Variants in ZNF85 observed in about 807,000 individuals in gnomAD.
The protein encoded by ZNF85 is zinc finger protein 85.
ZNF85 carries 50 observed loss-of-function variants against 53.9 expected under a neutral mutation model. That is an observed-to-expected ratio of 0.93 (90% CI 0.74 to 1.17). The LOEUF is 1.17. Among genes scored for constraint, ZNF85 ranks in the 50% most tolerant of loss-of-function variants. The probability of loss-of-function intolerance (pLI) is 0.00; values close to 1 mark genes in which losing one functional copy is unlikely to be tolerated. For synonymous variants in ZNF85, 225 were observed against 226.1 expected, an observed-to-expected ratio of 1.00 and a Z score of 0.04; for missense variants, 747 against 688.5, an observed-to-expected ratio of 1.08 and a Z score of -0.95.
At chr19:20,947,997 C>T (rs1275080581) in intron 3 of ZNF85, among the ~76,000 whole-genome samples, 2 of 151,900 alleles carry the variant, frequency 1.3e-5, no homozygotes. Flanking sequence ...ATGTTGTAAT[C>T]TTTCATTGAA....
intron 3 of ZNF85, among the ~76,000 whole-genome samples, chr19:20,939,833 G>C (rs917532690): frequency 6.6e-6 from 1 of 152,108 alleles, no homozygotes; most frequent in African/African-American, 2.4e-5. Flanking sequence ...AAGTTGCTGG[G>C]ATTACAGGCA....
At chr19:20,946,321 C>G (rs984667044) in intron 3 of ZNF85, 2 of 424,564 alleles carry the variant, frequency 4.7e-6, no homozygotes, top group Admixed American at 5.3e-5. Flanking sequence ...AAAAGAATGT[C>G]GTATGAGCTA....
At chr19:20,933,994 T>C (rs1228508148) in intron 1 of ZNF85, 30 bp from the exon 2 acceptor site, 7 of 1,537,690 alleles carry the variant, frequency 4.6e-6, no homozygotes, top group Non-Finnish European at 6.2e-6. Context: ...TGTGTGTGTG[T>C]GTGTATGTGT....
chr19:20,927,518 GGAA>G (rs1293881882), intron 1 of ZNF85: 1 of 152,000 alleles, frequency 6.6e-6, no homozygotes, highest in African/African-American at 2.4e-5. Context: ...AATGAGAAAA[GGAA>G]GAAAATGTGT....
chr19:20,923,501 C>G, intron 1 of ZNF85, 98 bp downstream of exon 1: 1 of 1,583,808 alleles, frequency 6.3e-7, no homozygotes, highest in Non-Finnish European at 8.6e-7. Context: ...GTAGTCAGCT[C>G]CACAATCTGC....
At chr19:20,938,484 T>C (rs1973211406) in intron 3 of ZNF85, among the ~76,000 whole-genome samples, 1 of 152,160 alleles carries the variant, frequency 6.6e-6, no homozygotes, top group African/African-American at 2.4e-5. Flanking sequence ...TTTGTCAGGA[T>C]TGGCTGAAAA....
rs543297758 is a variant in ZNF85 at position 20,928,764 on chromosome 19, C to G, written c.4-5260C>G. On this transcript the variant is annotated intron_variant, in intron 1 of 3. Coordinates refer to ENST00000328178, the MANE Select transcript of ZNF85 (RefSeq NM_003429.5). ...CTGGACCACCTGTTCATAATCTCATCTGCCTGCACAGGCACAAATAAATCA... is the reference window on the plus strand; with the variant it reads ...CTGGACCACCTGTTCATAATCTCATGTGCCTGCACAGGCACAAATAAATCA... 4 of 152,112 alleles carry G rather than the reference C, an allele frequency of 2.6e-5. No homozygotes were observed. In the East Asian group the frequency reaches 7.7e-4, roughly 29 times the overall value. The allele number at this position is 152,112 out of a possible 1,614,324, so 9.4% of individuals were successfully genotyped here.
intron 1 of ZNF85, among the ~76,000 whole-genome samples, chr19:20,929,917 G>A (rs1972968900): frequency 6.6e-6 from 1 of 152,034 alleles, no homozygotes; most frequent in Non-Finnish European, 1.5e-5. Context: ...TCAGGAGTTC[G>A]AGACCAGCCT....
At chr19:20,946,421 G>C in intron 3 of ZNF85, 1 of 342,456 alleles carries the variant, frequency 2.9e-6, no homozygotes, top group Non-Finnish European at 5.6e-6. Flanking sequence ...AAAGTTACCT[G>C]TTGCCTTCTA....
At chr19:20,924,501 C>T (rs537618561) in intron 1 of ZNF85, among the ~76,000 whole-genome samples, 2 of 152,158 alleles carry the variant, frequency 1.3e-5, no homozygotes, top group African/African-American at 4.8e-5. Flanking sequence ...CAGGGGACTT[C>T]TTTTCCCCTG....
Position 20,950,433 on chromosome 19 carries a change from T to A in ZNF85, c.*131T>A. 1 of 627,544 alleles carries A rather than the reference T, an allele frequency of 1.6e-6. No individual in the cohort carries two copies. The highest frequency in any genetic ancestry group is 2.6e-6 in the Non-Finnish European group (1 of 390,452). The allele number at this position is 627,544 out of a possible 1,614,324, so 38.9% of individuals were successfully genotyped here. On this transcript the variant is annotated 3_prime_UTR_variant, in exon 4 of 4. Transcript: ENST00000328178. ...CACCTCAGACTTATAAAAGTAATCA[T>A]ACTGGTGAGAAATTCTAAAAATGTG...
chr19:20,950,112 C>G lies in ZNF85; in HGVS notation c.1598C>G (p.Thr533Ser). 1 of 1,613,518 alleles carries G rather than the reference C, an allele frequency of 6.2e-7. No homozygotes were observed. Residue 533 changes from threonine to serine, a missense_variant, in exon 4 of 4, where the codon ACT (threonine) becomes AGT (serine). Thr to Ser is a moderately conservative substitution (Grantham distance 58). Coordinates refer to ENST00000328178, the MANE Select transcript of ZNF85 (RefSeq NM_003429.5). ...SKLTKHKKIH[T>S]GEKPYTCEEC... ...CTTACCAAACATAAGAAAATTCATA[C>G]TGGAGAGAAACCCTACACATGTGAA...
intron 3 of ZNF85, 36 bp downstream of exon 3, chr19:20,935,083 C>T (rs1973126691): frequency 1.4e-6 from 2 of 1,439,758 alleles, no homozygotes; most frequent in East Asian, 4.6e-5. Flanking sequence ...GCAGATGACA[C>T]ATGAGAGGTC....
intron 3 of ZNF85, among the ~76,000 whole-genome samples, chr19:20,935,779 A>G (rs1427030345): frequency 6.6e-6 from 1 of 151,438 alleles, no homozygotes; most frequent in African/African-American, 2.4e-5. Context: ...CAAACTCCCA[A>G]CCTCAGGTGA....
At chr19:20,938,456 C>G (rs769433068) in intron 3 of ZNF85, among the ~76,000 whole-genome samples, 38 of 151,962 alleles carry the variant, frequency 2.5e-4, no homozygotes, top group Admixed American at 9.2e-4. Context: ...TGATGCCTGG[C>G]TCTCTCATAA....
chr19:20,940,004 T>C (rs1176644387), intron 3 of ZNF85, among the ~76,000 whole-genome samples: 1 of 152,132 alleles, frequency 6.6e-6, no homozygotes, highest in East Asian at 1.9e-4. Flanking sequence ...ACCTCTTAGC[T>C]GATTTTCAGT....
intron 3 of ZNF85, among the ~76,000 whole-genome samples, chr19:20,948,539 T>A (rs1973476653): frequency 6.6e-6 from 1 of 152,160 alleles, no homozygotes; most frequent in Admixed American, 6.5e-5. Context: ...CTGCACACAC[T>A]TAACTCATTT....
chr19:20,929,197 T>C (rs1972950748), intron 1 of ZNF85, among the ~76,000 whole-genome samples: 1 of 151,864 alleles, frequency 6.6e-6, no homozygotes, highest in African/African-American at 2.4e-5. Flanking sequence ...TCTTTTTTTT[T>C]TTTTTGTTTG....
chr19:20,923,674 C>G (rs1477371159), intron 1 of ZNF85, among the ~76,000 whole-genome samples: 2 of 151,692 alleles, frequency 1.3e-5, no homozygotes, highest in African/African-American at 4.8e-5. Context: ...CGCGTCTCTC[C>G]CAGATTGAGC....
Sources: gnomAD v4.1 joint callset for allele counts (sites outside exome capture counted in the v4.1 genomes callset) on GRCh38, gnomAD v4.1.1 for gene constraint, MANE v1.5 for transcripts, NCBI Gene and HGNC (gene_info 2026-07-23, HGNC 2026-07-21) for gene names.